The following ARMC2 variants were observed in gnomAD, a reference collection of about 807,000 sequenced individuals.
ARMC2 encodes the protein armadillo repeat-containing protein 2.
Under a neutral mutation model 90.3 loss-of-function variants are expected in ARMC2, and 67 were observed. That is an observed-to-expected ratio of 0.74 (90% CI 0.61 to 0.91). ARMC2 has a LOEUF of 0.91. Ranked by LOEUF, ARMC2 falls within the 40% of genes least tolerant of loss-of-function variation. The pLI, the probability that ARMC2 is intolerant of heterozygous loss-of-function variation, is 0.00. For missense variants in ARMC2, 920 were observed against 1,030.9 expected (o/e 0.89, Z 1.47); for synonymous variants, 393 against 393.0 (o/e 1.00, Z 0.00).
intron 5 of ARMC2, among the ~76,000 whole-genome samples, chr6:108,877,959 T>C (rs1008112323): frequency 9.2e-5 from 14 of 152,240 alleles, no homozygotes; most frequent in African/African-American, 3.1e-4. Flanking sequence ...TTGCATCATA[T>C]AAGGATTGTG....
chr6:108,940,467 G>A (rs1432599615), intron 12 of ARMC2, among the ~76,000 whole-genome samples: 1 of 152,196 alleles, frequency 6.6e-6, no homozygotes, highest in African/African-American at 2.4e-5. Flanking sequence ...TGGACCAGGT[G>A]TGATGTTTAC....
At chr6:108,849,627 T>G (rs1052298162) in intron 1 of ARMC2, among the ~76,000 whole-genome samples, 5 of 152,268 alleles carry the variant, frequency 3.3e-5, no homozygotes, top group Non-Finnish European at 5.9e-5. Context: ...TGGAAATGAT[T>G]TTGCTGTATC....
chr6:108,894,582 A>C, intron 6 of ARMC2, 39 bp downstream of exon 6: 49 of 1,525,288 alleles, frequency 3.2e-5, no homozygotes, highest in Non-Finnish European at 3.8e-5. Context: ...CAGCATCTCC[A>C]CTTGAAGGAA....
Position 108,876,420 on chromosome 6 carries a change from A to G in ARMC2, c.671+70A>G, listed in dbSNP as rs1374460228. On this transcript the variant is annotated intron_variant, in intron 5 of 17. Coordinates refer to ENST00000392644, the MANE Select transcript of ARMC2 (RefSeq NM_032131.6). ...CATTTACCAGTTTCTTCTCTATTTT[A>G]TATAGATGATTGGTTTGCTTTTTCT... The G allele has an allele frequency of 5.5e-6, 8 of 1,462,108 alleles. No homozygotes were observed. In the Admixed American group the frequency reaches 1.4e-4, roughly 25 times the overall value. The allele number at this position is 1,462,108 out of a possible 1,614,324, so 90.6% of individuals were successfully genotyped here.
At chr6:108,872,747 GA>G (rs1776553918) in intron 4 of ARMC2, among the ~76,000 whole-genome samples, 6 of 152,210 alleles carry the variant, frequency 3.9e-5, no homozygotes, top group Admixed American at 3.9e-4. Flanking sequence ...CCCTCTTGCT[GA>G]AAACCCTTCA....
chr6:108,878,396 G>T (rs544155928), intron 5 of ARMC2, among the ~76,000 whole-genome samples: 1 of 152,258 alleles, frequency 6.6e-6, no homozygotes, highest in Admixed American at 6.5e-5. Flanking sequence ...GGAGAGAGTG[G>T]GTGAGGCCAC....
At chr6:109,043,268 T>TA in the ARMC2 span, among the ~76,000 whole-genome samples, 1 of 152,140 alleles carries the variant, frequency 6.6e-6, no homozygotes, top group Admixed American at 6.5e-5. Flanking sequence ...GCTTTCCTCT[T>TA]AAGATTGGGA....
rs182533818 is a variant in ARMC2, at chr6:108,901,163, G to A, written c.847+1371G>A. Among the ~76,000 whole-genome samples the A allele has an allele frequency of 8.1e-3, 1,018 of 125,368 alleles. 16 individuals are homozygous for A. Among genetic ancestry groups the A allele is most frequent in the African/African-American group, 0.03 (994 of 33,220 alleles). 82.2% of individuals were successfully genotyped at this position (125,368 alleles called of 152,430 possible). A position where few individuals can be genotyped will look rare whatever the true frequency, so the allele number is the denominator to read the frequency against. The stretch of plus-strand genomic sequence containing the variant: ...GACAGTCGCTCTGTCACTCAGGCTG[G>A]AGTGCAGTGGCGCAATCTCGGCTCA... On this transcript the variant is annotated intron_variant, in intron 7 of 17. Coordinates refer to ENST00000392644, the MANE Select transcript of ARMC2 (RefSeq NM_032131.6).
At chr6:109,042,327 A>C in the ARMC2 span, among the ~76,000 whole-genome samples, 1 of 151,958 alleles carries the variant, frequency 6.6e-6, no homozygotes, top group South Asian at 2.1e-4. Flanking sequence ...ACTGAGAATC[A>C]AGCAGACAGA....
intron 13 of ARMC2, among the ~76,000 whole-genome samples, chr6:108,959,922 G>C (rs1777869861): frequency 6.6e-6 from 1 of 152,066 alleles, no homozygotes; most frequent in Non-Finnish European, 1.5e-5. Context: ...CTGACCTCAA[G>C]TGATCAGCCC....
chr6:109,030,770 C>T, the ARMC2 span, among the ~76,000 whole-genome samples: 1 of 152,126 alleles, frequency 6.6e-6, no homozygotes, highest in Non-Finnish European at 1.5e-5. Flanking sequence ...ATTAATTTCC[C>T]ATAGAGTGAC....
At chr6:109,044,025 A>T in the ARMC2 span, among the ~76,000 whole-genome samples, 2 of 152,122 alleles carry the variant, frequency 1.3e-5, no homozygotes, top group South Asian at 4.1e-4. Flanking sequence ...TATTGTTAAC[A>T]AAGAAGTGGC....
chr6:109,045,832 T>G, the ARMC2 span, among the ~76,000 whole-genome samples: 1 of 152,206 alleles, frequency 6.6e-6, no homozygotes, highest in East Asian at 1.9e-4. Context: ...TATCTGTTTC[T>G]CCAGTGTCTG....
chr6:108,890,032 C>G (rs1421700255), intron 5 of ARMC2, among the ~76,000 whole-genome samples: 2 of 146,572 alleles, frequency 1.4e-5, no homozygotes, highest in African/African-American at 5.1e-5. Flanking sequence ...ACTAAAAATA[C>G]AAAAAAAATT....
At chr6:109,005,238 T>C in the ARMC2 span, among the ~76,000 whole-genome samples, 4 of 152,190 alleles carry the variant, frequency 2.6e-5, no homozygotes, top group African/African-American at 9.7e-5. Context: ...ATGCAGTCTT[T>C]AGAAAAAATG....
At chr6:109,000,714 C>T in the ARMC2 span, 1 of 1,415,424 alleles carries the variant, frequency 7.1e-7, no homozygotes, top group African/African-American at 1.5e-5. Context: ...ATATTAAAAC[C>T]TTGAACTACA....
At chr6:108,867,372 G>C (rs1324871383) in intron 3 of ARMC2, among the ~76,000 whole-genome samples, 1 of 152,156 alleles carries the variant, frequency 6.6e-6, no homozygotes, top group African/African-American at 2.4e-5. Flanking sequence ...TTAGAATTTT[G>C]TTAGTAATGT....
At chr6:108,880,441 T>G (rs1227447549) in intron 5 of ARMC2, among the ~76,000 whole-genome samples, 1 of 152,188 alleles carries the variant, frequency 6.6e-6, no homozygotes, top group East Asian at 1.9e-4. Context: ...GGGAAAGTGC[T>G]CTTTCTCCAG....
At chr6:108,954,117 AC>A (rs2128505866) in intron 13 of ARMC2, among the ~76,000 whole-genome samples, 1 of 152,160 alleles carries the variant, frequency 6.6e-6, no homozygotes, top group African/African-American at 2.4e-5. Flanking sequence ...TCATATTAGG[AC>A]CCTACCCTTA....
Sources: allele counts gnomAD v4.1 joint callset (sites outside exome capture counted in the v4.1 genomes callset), GRCh38; gene constraint gnomAD v4.1.1; transcripts MANE v1.5; gene names NCBI Gene and HGNC (gene_info 2026-07-23, HGNC 2026-07-21).